Variants in SGCZ observed in about 807,000 individuals in gnomAD.
The protein encoded by SGCZ is sarcoglycan zeta.
Under a neutral mutation model 41.3 loss-of-function variants are expected in SGCZ, and 40 were observed. The observed-to-expected ratio is 0.97, with a 90% CI of 0.75 to 1.26. The LOEUF (loss-of-function observed/expected upper bound fraction) is 1.26, where lower values mean the gene tolerates loss of function less well. Among genes scored for constraint, SGCZ ranks in the 50% most tolerant of loss-of-function variants. The probability of loss-of-function intolerance (pLI) is 0.00; values close to 1 mark genes in which losing one functional copy is unlikely to be tolerated. For synonymous variants in SGCZ, 206 were observed against 137.5 expected (o/e 1.50, Z -3.49); for missense variants, 552 against 369.8 (o/e 1.49, Z -4.04).
At chr8:14,826,197 C>T (rs1202510262) in intron 1 of SGCZ, among the ~76,000 whole-genome samples, 1 of 149,798 alleles carries the variant, frequency 6.7e-6, no homozygotes, top group Non-Finnish European at 1.5e-5. Context: ...GGTTTTTTGT[C>T]CTTGCGATAG....
chr8:14,926,227 G>A (rs4265186), intron 1 of SGCZ, among the ~76,000 whole-genome samples: 87,175 of 151,928 alleles, frequency 0.57, 27,065 homozygotes, highest in African/African-American at 0.83. Context: ...CTCATTTGTC[G>A]TTCAAATTTT....
intron 1 of SGCZ, among the ~76,000 whole-genome samples, chr8:15,002,243 T>C (rs1802452296): frequency 6.6e-6 from 1 of 150,392 alleles, no homozygotes; most frequent in Admixed American, 6.6e-5. Context: ...TACAAAAACC[T>C]AGTGCAGTGA....
chr8:15,055,259 C>T (rs2131000389), intron 1 of SGCZ, among the ~76,000 whole-genome samples: 1 of 152,234 alleles, frequency 6.6e-6, no homozygotes, highest in South Asian at 2.1e-4. Flanking sequence ...ATACTGTATA[C>T]CTACCATAGA....
At chr8:14,961,348 C>G (rs1349528480) in intron 1 of SGCZ, among the ~76,000 whole-genome samples, 2 of 152,062 alleles carry the variant, frequency 1.3e-5, no homozygotes, top group African/African-American at 4.8e-5. Flanking sequence ...ACGCTGGTTT[C>G]TAAATGCAAG....
At chr8:14,735,220 A>G (rs1391008036) in intron 1 of SGCZ, among the ~76,000 whole-genome samples, 1 of 152,178 alleles carries the variant, frequency 6.6e-6, no homozygotes, top group Non-Finnish European at 1.5e-5. Flanking sequence ...TGATTGGATT[A>G]AAGGATGCCT....
At chr8:15,081,376 T>A (rs1188167586) in intron 1 of SGCZ, among the ~76,000 whole-genome samples, 1 of 152,244 alleles carries the variant, frequency 6.6e-6, no homozygotes, top group Non-Finnish European at 1.5e-5. Flanking sequence ...TTAAATGTTT[T>A]AACGTTTTAA....
intron 1 of SGCZ, among the ~76,000 whole-genome samples, chr8:15,078,520 G>C (rs952981091): frequency 7.2e-5 from 11 of 151,876 alleles, no homozygotes; most frequent in African/African-American, 2.7e-4. Flanking sequence ...CCATGAGAAG[G>C]ATGTGATATC....
chr8:14,092,424 A>G (rs1801713819), intron 7 of SGCZ, among the ~76,000 whole-genome samples: 1 of 152,010 alleles, frequency 6.6e-6, no homozygotes. Context: ...GGCCATTTTC[A>G]TATTTTTTAA....
chr8:14,155,212 T>C (rs1440430848), intron 5 of SGCZ, among the ~76,000 whole-genome samples: 1 of 152,184 alleles, frequency 6.6e-6, no homozygotes, highest in Admixed American at 6.5e-5. Context: ...CCTTAATATC[T>C]TCCAAAATGT....
chr8:14,556,673 G>C (rs986872444), intron 1 of SGCZ, among the ~76,000 whole-genome samples: 1 of 151,968 alleles, frequency 6.6e-6, no homozygotes, highest in Non-Finnish European at 1.5e-5. Context: ...CCACTTATGA[G>C]TGAGAACATG....
intron 1 of SGCZ, among the ~76,000 whole-genome samples, chr8:14,819,626 C>A (rs1375491290): frequency 6.6e-6 from 1 of 152,134 alleles, no homozygotes; most frequent in African/African-American, 2.4e-5. Flanking sequence ...TTTCAATACT[C>A]CAGTATGAAG....
chr8:14,462,854 T>C (rs758403060), intron 2 of SGCZ, among the ~76,000 whole-genome samples: 1 of 149,980 alleles, frequency 6.7e-6, no homozygotes, highest in South Asian at 2.1e-4. Flanking sequence ...TCCATGGGCA[T>C]AGAATGTCTT....
At chr8:14,876,336 G>A (rs755032165) in intron 1 of SGCZ, among the ~76,000 whole-genome samples, 1 of 152,168 alleles carries the variant, frequency 6.6e-6, no homozygotes, top group African/African-American at 2.4e-5. Context: ...AAACTGAAAC[G>A]ATGCAGGTAA....
chr8:14,435,777 T>G (rs539055730), intron 2 of SGCZ, among the ~76,000 whole-genome samples: 10 of 152,362 alleles, frequency 6.6e-5, no homozygotes, highest in Admixed American at 5.9e-4. Flanking sequence ...ATACGTGAAC[T>G]TGTTAACTCA....
chr8:14,794,906 TA>T (rs1801075490), intron 1 of SGCZ, among the ~76,000 whole-genome samples: 1 of 152,144 alleles, frequency 6.6e-6, no homozygotes, highest in Admixed American at 6.5e-5. Flanking sequence ...TAAAGAAAAA[TA>T]ACTGTCAATG....
intron 1 of SGCZ, among the ~76,000 whole-genome samples, chr8:14,998,693 C>G (rs1360340941): frequency 6.6e-6 from 1 of 152,164 alleles, no homozygotes; most frequent in Non-Finnish European, 1.5e-5. Flanking sequence ...ATTCATAATT[C>G]TTATCAGAGT....
chr8:14,746,231 A>G (rs543704660), intron 1 of SGCZ, among the ~76,000 whole-genome samples: 3 of 152,150 alleles, frequency 2.0e-5, no homozygotes, highest in Admixed American at 6.5e-5. Flanking sequence ...TGGAATTTTT[A>G]AAAAACCTGC....
At chr8:14,266,110 C>T (rs576335159) in intron 3 of SGCZ, among the ~76,000 whole-genome samples, 9 of 151,972 alleles carry the variant, frequency 5.9e-5, no homozygotes, top group African/African-American at 1.9e-4. Context: ...TATGATTATC[C>T]GAGGACATAA....
intron 2 of SGCZ, among the ~76,000 whole-genome samples, chr8:14,396,009 G>C (rs960629918): frequency 1.3e-5 from 2 of 152,160 alleles, no homozygotes; most frequent in African/African-American, 4.8e-5. Context: ...CTGTATGTGC[G>C]TTTATGATCG....
Sources: allele counts gnomAD v4.1 joint callset (sites outside exome capture counted in the v4.1 genomes callset), GRCh38; gene constraint gnomAD v4.1.1; transcripts MANE v1.5; gene names NCBI Gene and HGNC (gene_info 2026-07-23, HGNC 2026-07-21).